The following NOVA1 variants were observed in gnomAD, a reference collection of about 807,000 sequenced individuals.
NOVA1 encodes the protein NOVA alternative splicing regulator 1.
In NOVA1, 7 loss-of-function variants were observed where a neutral mutation model predicts 38.0. That is an observed-to-expected ratio of 0.18 (90% CI 0.10 to 0.35). NOVA1 has a LOEUF of 0.35. NOVA1 is among the 10% of genes least tolerant of loss of function. The pLI, the probability that NOVA1 is intolerant of heterozygous loss-of-function variation, is 1.00. For synonymous variants in NOVA1, 270 were observed against 232.5 expected (o/e 1.16, Z -1.47); for missense variants, 460 against 616.0 (o/e 0.75, Z 2.68).
chr14:26,473,951 A>G (rs577906604), intron 3 of NOVA1, among the ~76,000 whole-genome samples: 1 of 152,122 alleles, frequency 6.6e-6, no homozygotes, highest in East Asian at 1.9e-4. Flanking sequence ...TTCATTTCCA[A>G]TCATTAAAAA....
chr14:26,493,139 CATTA>C (rs1440490124), intron 2 of NOVA1, among the ~76,000 whole-genome samples: 6 of 151,932 alleles, frequency 3.9e-5, no homozygotes, highest in Non-Finnish European at 8.8e-5. Flanking sequence ...ATTTTTTCAA[CATTA>C]ATTATTATAG....
chr14:26,501,475 T>C (rs2138407605), intron 2 of NOVA1, among the ~76,000 whole-genome samples: 1 of 152,124 alleles, frequency 6.6e-6, no homozygotes, highest in East Asian at 1.9e-4. Context: ...ATTATTTCTT[T>C]TTAAGGAAAA....
intron 2 of NOVA1, chr14:26,519,489 G>C (rs1888717386): frequency 6.6e-6 from 1 of 152,180 alleles, no homozygotes; most frequent in African/African-American, 2.4e-5. Flanking sequence ...TTCCGGATTT[G>C]ATGTAGTGGT....
At chr14:26,581,028 T>C (rs1407839216) in intron 2 of NOVA1, among the ~76,000 whole-genome samples, 1 of 152,088 alleles carries the variant, frequency 6.6e-6, no homozygotes, top group Non-Finnish European at 1.5e-5. Flanking sequence ...TTTTCCTTTT[T>C]AGTACCTAAA....
chr14:26,550,646 A>G (rs975095096), intron 2 of NOVA1, among the ~76,000 whole-genome samples: 1 of 152,134 alleles, frequency 6.6e-6, no homozygotes, highest in Non-Finnish European at 1.5e-5. Context: ...GTAAGGTACT[A>G]TCTCATCTCC....
At chr14:26,496,789 A>AGATCAGAT (rs1886833542) in intron 2 of NOVA1, among the ~76,000 whole-genome samples, 1 of 152,126 alleles carries the variant, frequency 6.6e-6, no homozygotes, top group African/African-American at 2.4e-5. Context: ...GGTTTGTCAA[A>AGATCAGAT]GATCAGATAG....
At chr14:26,532,328 G>A (rs953011566) in intron 2 of NOVA1, among the ~76,000 whole-genome samples, 2 of 152,114 alleles carry the variant, frequency 1.3e-5, no homozygotes, top group Non-Finnish European at 1.5e-5. Context: ...CACACACCTA[G>A]ACAATGACTA....
intron 2 of NOVA1, among the ~76,000 whole-genome samples, chr14:26,565,922 A>T (rs1244747546): frequency 6.6e-6 from 1 of 152,162 alleles, no homozygotes; most frequent in Non-Finnish European, 1.5e-5. Flanking sequence ...CAGAAAAGTG[A>T]TCTATGTTTG....
intron 4 of NOVA1, among the ~76,000 whole-genome samples, chr14:26,471,326 C>T (rs1310315011): frequency 6.6e-6 from 1 of 151,578 alleles, no homozygotes; most frequent in Admixed American, 6.6e-5. Context: ...TACGCAAAAG[C>T]CACATTTAAT....
intron 2 of NOVA1, among the ~76,000 whole-genome samples, chr14:26,570,582 T>C (rs1045023277): frequency 5.3e-5 from 8 of 152,150 alleles, no homozygotes; most frequent in African/African-American, 1.9e-4. Context: ...CATATGTGTA[T>C]GTGTACTGTA....
chr14:26,462,560 T>C (rs1646384152), intron 4 of NOVA1, among the ~76,000 whole-genome samples: 1 of 152,088 alleles, frequency 6.6e-6, no homozygotes. Context: ...AAAGCTAGAG[T>C]TGAGTATTTT....
intron 2 of NOVA1, among the ~76,000 whole-genome samples, chr14:26,486,711 A>G (rs1885931190): frequency 1.3e-5 from 2 of 149,138 alleles, no homozygotes. Flanking sequence ...AAAAAAAAAA[A>G]AAAAAAAAAA....
At position 26,448,361 on chromosome 14, in the gene NOVA1, G is replaced by C; in HGVS notation, c.1122C>G (p.Ser374Arg). The C allele has an allele frequency of 6.2e-7, 1 of 1,613,894 alleles. No homozygotes were observed. The highest frequency in any genetic ancestry group is 8.5e-7 in the Non-Finnish European group (1 of 1,179,992). ...TYASEASASGSTAGGTAGTFA... is the reference protein window; with the variant it reads ...TYASEASASGRTAGGTAGTFA... The stretch of plus-strand genomic sequence containing the variant: ...ATGTCCCCGCCGTACCACCAGCTGT[G>C]CTGCCACTGGCTGAGGCTTCACTGG... Residue 374 changes from serine (S) to arginine (R), a missense_variant, in exon 5 of 5, where the codon AGC (serine) becomes AGG (arginine). By Grantham distance (110) the Ser-to-Arg change is moderately radical. Coordinates refer to ENST00000539517, the MANE Select transcript of NOVA1 (RefSeq NM_002515.3). The surrounding 1 kb of genome is among the most constrained non-coding windows in gnomAD (Gnocchi z 5.3).
intron 2 of NOVA1, among the ~76,000 whole-genome samples, chr14:26,499,194 GTAAC>G (rs1047429786): frequency 5.3e-5 from 8 of 152,096 alleles, no homozygotes; most frequent in East Asian, 3.8e-4. Flanking sequence ...GGCGAAATGA[GTAAC>G]TATGAGAAAT....
intron 2 of NOVA1, among the ~76,000 whole-genome samples, chr14:26,557,329 C>T (rs777448382): frequency 6.6e-6 from 1 of 151,962 alleles, no homozygotes; most frequent in Non-Finnish European, 1.5e-5. Context: ...GGGGAGGTTG[C>T]GGAACAACAG....
At chr14:26,543,375 C>T (rs780722235) in intron 2 of NOVA1, among the ~76,000 whole-genome samples, 3 of 151,878 alleles carry the variant, frequency 2.0e-5, no homozygotes, top group African/African-American at 4.8e-5. Flanking sequence ...GTCCCAAACA[C>T]ATAACAGGAG....
At chr14:26,558,085 G>A (rs1257060382) in intron 2 of NOVA1, among the ~76,000 whole-genome samples, 1 of 151,932 alleles carries the variant, frequency 6.6e-6, no homozygotes, top group African/African-American at 2.4e-5. Context: ...TATAGAGACA[G>A]TAAATGTCAG....
intron 2 of NOVA1, among the ~76,000 whole-genome samples, chr14:26,567,286 T>A (rs1892191689): frequency 7.8e-6 from 1 of 127,560 alleles, no homozygotes. Flanking sequence ...AAGTGTCTTG[T>A]TTAATTTTTT....
chr14:26,484,872 T>C (rs6575005), intron 2 of NOVA1, among the ~76,000 whole-genome samples: 44,099 of 151,878 alleles, frequency 0.29, 6,963 homozygotes, highest in African/African-American at 0.41. Context: ...CATTAACTCA[T>C]TTGATAAAAA....
Sources: allele counts gnomAD v4.1 joint callset (sites outside exome capture counted in the v4.1 genomes callset), GRCh38; gene constraint gnomAD v4.1.1; non-coding constraint Gnocchi (gnomAD v3.1); transcripts MANE v1.5; gene names NCBI Gene and HGNC (gene_info 2026-07-23, HGNC 2026-07-21).